Variants in BCL6 observed in about 807,000 individuals in gnomAD.
The protein encoded by BCL6 is BCL6 transcription repressor, also known as B-cell lymphoma 6 protein.
In BCL6, 7 loss-of-function variants were observed where a neutral mutation model predicts 59.5. The ratio of observed to expected loss-of-function variants is 0.12; its 90% CI spans 0.07 to 0.22. BCL6 has a LOEUF of 0.22. Ranked by LOEUF, BCL6 falls within the 10% of genes least tolerant of loss-of-function variation. The pLI is 1.00. For missense variants in BCL6, 685 were observed against 939.4 expected (o/e 0.73, Z 3.54); for synonymous variants, 339 against 349.7 (o/e 0.97, Z 0.34).
At position 187,729,658 on chromosome 3, in the gene BCL6, C is replaced by T; in HGVS notation, c.747G>A (p.Val249=). The T allele has an allele frequency of 6.2e-7, 1 of 1,614,166 alleles. No individual in the cohort carries two copies. Among genetic ancestry groups the T allele is most frequent in the African/African-American group, 1.3e-5 (1 of 75,038 alleles). The part of the protein sequence containing the change: ...PGEYSRPTLE[V]SPNVCHSNIY... The stretch of plus-strand genomic sequence containing the variant: ...TATTGCTGTGGCACACATTGGGGGA[C>T]ACCTCCAAAGTCGGCCGGCTGTACT... Residue 249 remains valine, a synonymous_variant, in exon 5 of 10, where the codon GTG becomes GTA. Coordinates refer to ENST00000406870, the MANE Select transcript of BCL6 (RefSeq NM_001706.5). The surrounding 1 kb of genome is among the most constrained non-coding windows in gnomAD (Gnocchi z 5.6).
At chr3:187,744,528 G>A (rs924749191) in intron 1 of BCL6, among the ~76,000 whole-genome samples, 3 of 152,260 alleles carry the variant, frequency 2.0e-5, no homozygotes, top group South Asian at 2.1e-4. Flanking sequence ...TCACGGCTCT[G>A]AAAGGAAATA....
intron 9 of BCL6, among the ~76,000 whole-genome samples, chr3:187,723,838 C>G (rs181203232): frequency 1.0e-3 from 153 of 152,170 alleles, no homozygotes; most frequent in Non-Finnish European, 1.9e-3. Flanking sequence ...CTCTGATATC[C>G]TAGGCATCTA....
intron 1 of BCL6, among the ~76,000 whole-genome samples, chr3:187,738,400 A>G (rs538272873): frequency 4.6e-4 from 70 of 152,212 alleles, no homozygotes; most frequent in Non-Finnish European, 6.6e-4. Flanking sequence ...CTACGTTGGC[A>G]AGAACGGGAA....
chr3:187,729,103 G>T lies in BCL6; in HGVS notation c.1302C>A (p.Ser434Arg). Residue 434 changes from serine to arginine, a missense_variant, in exon 5 of 10, where the codon AGC becomes AGA. By Grantham distance (110) the Ser-to-Arg change is moderately radical (BLOSUM62 -1). Around this residue, in one of 7 missense-constraint regions of BCL6, gnomAD observed 207 missense variants for 213.7 expected, o/e 0.97. Transcript: ENST00000406870. The surrounding 1 kb of genome is among the most constrained non-coding windows in gnomAD (Gnocchi z 5.6). ...DLQSPTKLSA[S>R]GEDSTIPQAS... ...CTTGTGGGATGGTGGAGTCCTCCCC[G>T]CTGGCACTCAGCTTGGTTGGGGACT... 6.4e-7 allele frequency: 1 copy of T among 1,556,622 alleles called. No individual in the cohort carries two copies.
Position 187,744,937 on chromosome 3 carries a change from G to T in BCL6, c.-50+473C>A, listed in dbSNP as rs115026541. Among the ~76,000 whole-genome samples, 449 of 152,198 alleles carry T rather than the reference G, an allele frequency of 3.0e-3. 6 individuals carry two copies. The highest frequency in any genetic ancestry group is 8.4e-3 in the African/African-American group (350 of 41,530). On this transcript the variant is annotated intron_variant, in intron 1 of 9. Coordinates refer to ENST00000406870, the MANE Select transcript of BCL6 (RefSeq NM_001706.5). ...GAGCGCGAGCGCGCGTCCTCTCCGC[G>T]GTCTGGGGCCAGACAGCCCCCAGAC...
intron 1 of BCL6, among the ~76,000 whole-genome samples, chr3:187,744,514 A>C (rs1711787103): frequency 6.6e-6 from 1 of 152,278 alleles, no homozygotes; most frequent in East Asian, 1.9e-4. Context: ...TCTCATTAGG[A>C]AGATCACGGC....
intron 1 of BCL6, among the ~76,000 whole-genome samples, chr3:187,744,829 C>T (rs114991887): frequency 0.015 from 2,349 of 152,122 alleles, 32 homozygotes; most frequent in Non-Finnish European, 0.025. Context: ...AAGCAGTTTG[C>T]AAGCGAGAAA....
At position 187,725,143 on chromosome 3, in the gene BCL6, A is replaced by T; in HGVS notation, c.1840-65T>A. The T allele has an allele frequency of 1.2e-6, 2 of 1,601,290 alleles. No individual in the cohort carries two copies. Among genetic ancestry groups the T allele is most frequent in the Non-Finnish European group, 1.7e-6 (2 of 1,171,714 alleles). ...GCTGCAGGCCTCTGGGCAGCCCCTC[A>T]TTAGCACACAGCCAGTGAGTGGGCC... is the stretch of plus-strand genomic sequence containing the variant. On this transcript the variant is annotated intron_variant, in intron 8 of 9. Coordinates refer to ENST00000406870, the MANE Select transcript of BCL6 (RefSeq NM_001706.5). This position sits in a 1 kb window ranked among gnomAD's most constrained non-coding sequence, Gnocchi z 4.7.
At chr3:187,726,684 G>A in intron 7 of BCL6, 47 bp downstream of exon 7, 1 of 1,599,538 alleles carries the variant, frequency 6.3e-7, no homozygotes, top group Non-Finnish European at 8.5e-7. Flanking sequence ...TCCCTGTCCT[G>A]CCCCAATAAT....
At chr3:187,743,713 A>C (rs1711709794) in intron 1 of BCL6, among the ~76,000 whole-genome samples, 1 of 151,518 alleles carries the variant, frequency 6.6e-6, no homozygotes, top group African/African-American at 2.4e-5. Context: ...GGTGGCCCCT[A>C]GCTCCTGCTG....
At chr3:187,743,537 A>T (rs3774297) in intron 1 of BCL6, among the ~76,000 whole-genome samples, 24,944 of 149,524 alleles carry the variant, frequency 0.17, 2,991 homozygotes, top group African/African-American at 0.34. Flanking sequence ...TCATTTTTTT[A>T]AAAAATCGGT....
rs1183914104 is a variant in BCL6, at chr3:187,728,732, G to A, written c.1356-188C>T. On this transcript the variant is annotated intron_variant, in intron 5 of 9. Transcript: ENST00000406870. Reference sequence around the variant, plus strand: ...AAAGATCACTGACCAGGGTCAAACTGAGCCAGAGCTTCCCCGCAGCCCACA... The same window carrying A: ...AAAGATCACTGACCAGGGTCAAACTAAGCCAGAGCTTCCCCGCAGCCCACA... 5.9e-5 allele frequency among the ~76,000 whole-genome samples: 9 copies of A among 152,198 alleles called. No homozygotes were observed. In the East Asian group the frequency reaches 1.7e-3, roughly 29 times the overall value.
chr3:187,741,595 A>T (rs1011634427), intron 1 of BCL6, among the ~76,000 whole-genome samples: 1 of 152,218 alleles, frequency 6.6e-6, no homozygotes, highest in South Asian at 2.1e-4. Context: ...CACTGGGGCA[A>T]AGAGAAACCA....
At chr3:187,735,083 A>G (rs970016414) in intron 1 of BCL6, 176 bp from the exon 2 acceptor site, 3 of 152,306 alleles carry the variant, frequency 2.0e-5, no homozygotes, top group African/African-American at 7.2e-5. Context: ...TACGGAAACA[A>G]CAGGCACCCG....
chr3:187,744,732 A>C (rs1711813290), intron 1 of BCL6, among the ~76,000 whole-genome samples: 2 of 152,150 alleles, frequency 1.3e-5, no homozygotes, highest in Admixed American at 6.5e-5. Flanking sequence ...TCCCGGAGTT[A>C]CCCAGAAGGA....
intron 1 of BCL6, chr3:187,737,326 GAGAGAAGACAGCAGAAACGAC>G (rs2108475757): frequency 6.8e-6 from 1 of 146,550 alleles, no homozygotes; most frequent in East Asian, 2.0e-4. Flanking sequence ...AGCAAAGAGA[GAGAGAAGACAGCAGAAACGAC>G]AGAGAGAGAG....
At chr3:187,740,062 C>CG (rs1158349690) in intron 1 of BCL6, among the ~76,000 whole-genome samples, 2 of 152,188 alleles carry the variant, frequency 1.3e-5, no homozygotes, top group African/African-American at 4.8e-5. Flanking sequence ...CCGACCCGGG[C>CG]GGGGGCGACG....
Position 187,733,541 on chromosome 3 carries a change from C to T in BCL6, c.153G>A (p.Met51Ile). The T allele has an allele frequency of 6.2e-7, 1 of 1,613,760 alleles. No homozygotes were observed. Among genetic ancestry groups the T allele is most frequent in the Non-Finnish European group, 8.5e-7 (1 of 1,179,802 alleles). The change falls in exon 3 of 10, where the codon ATG (methionine) becomes ATA (isoleucine). Residue 51 changes from methionine (M) to isoleucine (I), a missense_variant. By Grantham distance (10) the Met-to-Ile change is conservative. Around this residue, in one of 7 missense-constraint regions of BCL6, gnomAD observed 102 missense variants for 176.6 expected, o/e 0.58. Transcript: ENST00000406870. Reference sequence around the variant, plus strand: ...CCTTTCAGATCCCTCACCTGCAGGCCATGAGGACCGTTTTATGGGCTCTAA... The same window carrying T: ...CCTTTCAGATCCCTCACCTGCAGGCTATGAGGACCGTTTTATGGGCTCTAA... ...EQFRAHKTVL[M>I]ACSGLFYSIF...
At chr3:187,745,209 C>G (rs147187614) in intron 1 of BCL6, among the ~76,000 whole-genome samples, 31 of 151,720 alleles carry the variant, frequency 2.0e-4, no homozygotes, top group South Asian at 6.3e-4. Context: ...CACCTGACAG[C>G]TAGAATAAAT....
Sources: allele counts gnomAD v4.1 joint callset (sites outside exome capture counted in the v4.1 genomes callset), GRCh38; gene constraint gnomAD v4.1.1; regional missense constraint gnomAD v4.1.1; non-coding constraint Gnocchi (gnomAD v3.1); transcripts MANE v1.5; gene names NCBI Gene and HGNC (gene_info 2026-07-23, HGNC 2026-07-21).